The following WDFY4 variants were observed in gnomAD, a reference collection of about 807,000 sequenced individuals.
WDFY4 encodes WD repeat- and FYVE domain-containing protein 4.
In WDFY4, 169 loss-of-function variants were observed where a neutral mutation model predicts 351.9. The ratio of observed to expected loss-of-function variants is 0.48; its 90% CI spans 0.42 to 0.55. WDFY4 has a LOEUF of 0.55. WDFY4 is among the 20% of genes least tolerant of loss of function. The pLI is 0.00. For synonymous variants in WDFY4, 1,622 were observed against 1,574.6 expected (o/e 1.03, Z -0.71); for missense variants, 3,803 against 3,935.6 (o/e 0.97, Z 0.90).
chr10:48,745,389 T>C (rs1452855607), intron 12 of WDFY4, among the ~76,000 whole-genome samples: 1 of 152,224 alleles, frequency 6.6e-6, no homozygotes, highest in African/African-American at 2.4e-5. Context: ...ATAATGCATG[T>C]TCTCAGAGTG....
intron 32 of WDFY4, among the ~76,000 whole-genome samples, chr10:48,819,754 C>T (rs988418610): frequency 4.1e-4 from 62 of 152,330 alleles, no homozygotes; most frequent in African/African-American, 1.4e-3. Context: ...TGTCTGTGGG[C>T]ATCAGCAGAG....
chr10:48,938,471 G>T (rs143023047), intron 47 of WDFY4, among the ~76,000 whole-genome samples: 6 of 152,278 alleles, frequency 3.9e-5, no homozygotes, highest in African/African-American at 1.4e-4. Context: ...GCCACAGGCT[G>T]CTCTGCCAGC....
chr10:48,787,921 C>CTT (rs1589610614), intron 20 of WDFY4, among the ~76,000 whole-genome samples: 1 of 70,668 alleles, frequency 1.4e-5, no homozygotes, highest in Non-Finnish European at 2.7e-5. Flanking sequence ...TCTTCTTCTT[C>CTT]TTCTTCTTCT....
Position 48,826,911 on chromosome 10 carries a change from T to G in WDFY4, c.6221+2T>G. The G allele has an allele frequency of 6.5e-7, 1 of 1,550,334 alleles. No individual in the cohort carries two copies. Among genetic ancestry groups the G allele is most frequent in the Non-Finnish European group, 8.7e-7 (1 of 1,145,790 alleles). ...CCTTTTGCTACTCAATGAGAGAAGG[T>G]AAGAGCTGCCCACTTGTTTCCTTGT... On this transcript the variant is annotated splice_donor_variant, in intron 36 of 61. Coordinates refer to ENST00000325239, the MANE Select transcript of WDFY4 (RefSeq NM_001394531.1). LOFTEE classifies it high-confidence loss of function.
At chr10:48,953,331 T>TCACACACA (rs1204371648) in intron 51 of WDFY4, among the ~76,000 whole-genome samples, 2 of 81,152 alleles carry the variant, frequency 2.5e-5, no homozygotes, top group African/African-American at 7.8e-5. Context: ...TCTCTCTCTC[T>TCACACACA]CTCACACACA....
At chr10:48,858,631 C>T (rs180679642) in intron 39 of WDFY4, among the ~76,000 whole-genome samples, 7 of 152,232 alleles carry the variant, frequency 4.6e-5, no homozygotes, top group African/African-American at 9.6e-5. Flanking sequence ...TCTTGAAATC[C>T]GGTGGAATGA....
At chr10:48,863,016 A>G (rs1465879240) in intron 39 of WDFY4, among the ~76,000 whole-genome samples, 3 of 152,210 alleles carry the variant, frequency 2.0e-5, no homozygotes, top group Admixed American at 6.5e-5. Context: ...GCATGTTATA[A>G]CATGTGTCAA....
At chr10:48,725,748 G>T (rs937305290) in intron 5 of WDFY4, 133 bp from the exon 6 acceptor site, 3 of 977,534 alleles carry the variant, frequency 3.1e-6, no homozygotes, top group East Asian at 2.7e-5. Flanking sequence ...GGGACAGAGG[G>T]TGACCCCATT....
intron 12 of WDFY4, among the ~76,000 whole-genome samples, chr10:48,759,434 G>A (rs1011428339): frequency 1.4e-4 from 21 of 152,258 alleles, no homozygotes; most frequent in African/African-American, 4.8e-4. Context: ...ATGCAGTGAG[G>A]GGAGAAAAGG....
intron 47 of WDFY4, chr10:48,910,362 TCA>T: frequency 2.0e-5 from 19 of 952,030 alleles, no homozygotes; most frequent in Non-Finnish European, 3.3e-5. Flanking sequence ...TGCCTGACCT[TCA>T]GGATGGTCAG....
chr10:48,947,331 G>A (rs751077010), intron 51 of WDFY4, among the ~76,000 whole-genome samples: 12 of 152,268 alleles, frequency 7.9e-5, no homozygotes, highest in Middle Eastern at 3.4e-3. Flanking sequence ...AAATAAATAC[G>A]AGAAGGAACA....
Position 48,805,302 on chromosome 10 carries a change from T to A in WDFY4, c.4527T>A (p.Leu1509=). 1 of 1,547,372 alleles carries A rather than the reference T, an allele frequency of 6.5e-7. No individual in the cohort carries two copies. Among genetic ancestry groups the A allele is most frequent in the Non-Finnish European group, 8.7e-7 (1 of 1,146,972 alleles). ...CTGAAGCTGCCCACCAGGCACAGCT[T>A]ATACCCAAGCTCATCTTCCTATTCA... ...RNAEAAHQAQ[L]IPKLIFLFNE... is the part of the protein sequence containing the mutation. The change falls in exon 26 of 62, where the codon CTT becomes CTA. Residue 1509 remains leucine (L), a synonymous_variant. Coordinates refer to ENST00000325239, the MANE Select transcript of WDFY4 (RefSeq NM_001394531.1).
In WDFY4 at chr10:48,897,534, C is replaced by A. The variant is rs1005328694; in HGVS notation, c.7397C>A (p.Ala2466Asp). 6.4e-7 allele frequency: 1 copy of A among 1,550,754 alleles called. No homozygotes were observed. Among genetic ancestry groups the A allele is most frequent in the Non-Finnish European group, 8.7e-7 (1 of 1,147,014 alleles). Residue 2466 changes from alanine to aspartate, a missense_variant, in exon 45 of 62, where the codon GCT becomes GAT. By Grantham distance (126) the Ala-to-Asp change is moderately radical. Coordinates refer to ENST00000325239, the MANE Select transcript of WDFY4 (RefSeq NM_001394531.1). ...DHYSCQCHSY[A>D]DMRELRQARF... is the part of the protein sequence containing the mutation. ...TACTCGTGCCAGTGCCACAGCTACG[C>A]TGACATGCGGGAGCTACGGCAGGCT...
intron 20 of WDFY4, 43 bp downstream of exon 20, chr10:48,786,913 T>C (rs2066422644): frequency 6.6e-7 from 1 of 1,505,466 alleles, no homozygotes; most frequent in African/African-American, 1.4e-5. Flanking sequence ...TGATATTAGT[T>C]TTTAAATGGA....
chr10:48,898,706 C>T (rs1837211085), intron 45 of WDFY4, among the ~76,000 whole-genome samples: 1 of 152,168 alleles, frequency 6.6e-6, no homozygotes. Context: ...GAGCACTCTT[C>T]CTCCCTCTGC....
Position 48,778,679 on chromosome 10 carries a change from G to A in WDFY4, c.3244G>A (p.Gly1082Arg), listed in dbSNP as rs1444131519. 2 of 1,551,624 alleles carry A rather than the reference G, an allele frequency of 1.3e-6. No homozygotes were observed. Among genetic ancestry groups the A allele is most frequent in the Admixed American group, 3.9e-5 (2 of 51,018 alleles). Residue 1082 changes from glycine (G) to arginine (R), a missense_variant, in exon 18 of 62, where the codon GGA becomes AGA. By Grantham distance (125) the Gly-to-Arg change is moderately radical. Coordinates refer to ENST00000325239, the MANE Select transcript of WDFY4 (RefSeq NM_001394531.1). ...FSCWFLISRH[G>R]AATEGHPLRF... ...CTGCTGGTTCCTGATCAGCCGGCATGGAGCTGCCACTGAGGGCCACCCGCT... is the reference window on the plus strand; with the variant it reads ...CTGCTGGTTCCTGATCAGCCGGCATAGAGCTGCCACTGAGGGCCACCCGCT...
intron 51 of WDFY4, among the ~76,000 whole-genome samples, chr10:48,950,669 G>T (rs1231357175): frequency 6.6e-6 from 1 of 152,216 alleles, no homozygotes; most frequent in Non-Finnish European, 1.5e-5. Flanking sequence ...ATCTACAGAG[G>T]TTGTCCAGAG....
intron 23 of WDFY4, among the ~76,000 whole-genome samples, chr10:48,795,917 A>G (rs1216907283): frequency 6.6e-6 from 1 of 152,168 alleles, no homozygotes; most frequent in Non-Finnish European, 1.5e-5. Context: ...TGACAGGCAC[A>G]TCTGGCTGGG....
intron 10 of WDFY4, among the ~76,000 whole-genome samples, chr10:48,735,549 A>G (rs1174429506): frequency 1.3e-5 from 2 of 151,980 alleles, no homozygotes; most frequent in East Asian, 1.9e-4. Flanking sequence ...TTTAGTCACC[A>G]TGTTGTACAA....
Sources: gnomAD v4.1 joint callset for allele counts (sites outside exome capture counted in the v4.1 genomes callset) on GRCh38, gnomAD v4.1.1 for gene constraint, MANE v1.5 for transcripts, NCBI Gene and HGNC (gene_info 2026-07-23, HGNC 2026-07-21) for gene names.